LARP1B: variants seen among roughly 807,000 people sequenced by gnomAD.
LARP1B encodes the protein la-related protein 1B.
Under a neutral mutation model 114.2 loss-of-function variants are expected in LARP1B, and 76 were observed. That is an observed-to-expected ratio of 0.67 (90% CI 0.55 to 0.81). The LOEUF (loss-of-function observed/expected upper bound fraction) is 0.81, where lower values mean the gene tolerates loss of function less well. Ranked by LOEUF, LARP1B falls within the 30% of genes least tolerant of loss-of-function variation. LARP1B has a pLI of 0.00. For missense variants in LARP1B, 1,014 were observed against 1,075.8 expected (o/e 0.94, Z 0.80); for synonymous variants, 345 against 348.0 (o/e 0.99, Z 0.10).
chr4:128,154,257 C>T (rs1463905986), intron 11 of LARP1B, among the ~76,000 whole-genome samples: 7 of 152,144 alleles, frequency 4.6e-5, no homozygotes, highest in African/African-American at 7.2e-5. Flanking sequence ...TTTTCAGTTA[C>T]GCTTTCTCTG....
chr4:128,193,342 G>A (rs749967107), intron 15 of LARP1B, among the ~76,000 whole-genome samples: 3 of 152,022 alleles, frequency 2.0e-5, no homozygotes, highest in Admixed American at 6.6e-5. Flanking sequence ...TAGTAGGTTC[G>A]TAATAGATAT....
intron 11 of LARP1B, among the ~76,000 whole-genome samples, chr4:128,128,238 A>T (rs946183239): frequency 6.6e-6 from 1 of 152,248 alleles, no homozygotes; most frequent in African/African-American, 2.4e-5. Context: ...ATATGACACT[A>T]ATAGCACAAG....
intron 8 of LARP1B, among the ~76,000 whole-genome samples, chr4:128,099,290 C>T (rs1231351584): frequency 5.8e-5 from 8 of 137,234 alleles, no homozygotes; most frequent in Admixed American, 3.0e-4. Context: ...TTTTTTCTTT[C>T]TTTTTTTTTT....
chr4:128,067,585 G>A (rs1328540045), intron 1 of LARP1B, among the ~76,000 whole-genome samples: 2 of 152,096 alleles, frequency 1.3e-5, no homozygotes, highest in African/African-American at 4.8e-5. Context: ...ATCCAGATGA[G>A]GCACTCTTCA....
At chr4:128,206,657 C>A (rs540256800) in intron 18 of LARP1B, 120 bp downstream of exon 18, 149 of 1,408,926 alleles carry the variant, frequency 1.1e-4, no homozygotes, top group Non-Finnish European at 1.3e-4. Context: ...GATCTTCATG[C>A]TATTGTTGTG....
intron 5 of LARP1B, among the ~76,000 whole-genome samples, chr4:128,088,821 C>T (rs1027067510): frequency 4.6e-5 from 7 of 151,860 alleles, no homozygotes; most frequent in Non-Finnish European, 8.8e-5. Context: ...GAAAAAGTGG[C>T]TGGACGCAGT....
chr4:128,061,519 C>G (rs963721993), intron 1 of LARP1B, 118 bp downstream of exon 1: 1 of 228,890 alleles, frequency 4.4e-6, no homozygotes, highest in Admixed American at 6.6e-5. Context: ...CGGGGAGGGG[C>G]GTCACGCCGG....
intron 8 of LARP1B, among the ~76,000 whole-genome samples, chr4:128,100,386 C>T (rs1779879771): frequency 6.6e-6 from 1 of 152,146 alleles, no homozygotes; most frequent in Non-Finnish European, 1.5e-5. Context: ...GATTCTCCTG[C>T]CTCAGCCTCC....
intron 8 of LARP1B, among the ~76,000 whole-genome samples, chr4:128,098,773 T>G (rs1380153173): frequency 4.8e-5 from 1 of 20,742 alleles, no homozygotes; most frequent in Non-Finnish European, 9.1e-5. Context: ...ATATATTTTT[T>G]TTTTTTTTTT....
At chr4:128,207,431 C>T (rs1335680692) in intron 19 of LARP1B, 48 bp downstream of exon 19, 1 of 1,295,076 alleles carries the variant, frequency 7.7e-7, no homozygotes. Context: ...CCATATATTT[C>T]AGTCTCTTAT....
In LARP1B at chr4:128,206,392, G is replaced by A. The variant is rs758078056; in HGVS notation, c.2310-36G>A. The stretch of plus-strand genomic sequence containing the variant: ...TGATGTTACTAACTATAGAGATATT[G>A]TATTTTATTATAAACCTTTTATTTT... On this transcript the variant is annotated intron_variant, in intron 17 of 19. Transcript: ENST00000326639. 12 of 1,247,154 alleles carry A rather than the reference G, an allele frequency of 9.6e-6. No homozygotes were observed. In the East Asian group the frequency reaches 2.9e-4, roughly 30 times the overall value. The allele number at this position is 1,247,154 out of a possible 1,614,324, so 77.3% of individuals were successfully genotyped here.
chr4:128,205,966 C>A (rs968655658), intron 17 of LARP1B, among the ~76,000 whole-genome samples: 21 of 152,140 alleles, frequency 1.4e-4, no homozygotes, highest in African/African-American at 4.6e-4. Flanking sequence ...GCAAAGCCAG[C>A]TGTAGATTAC....
At chr4:128,114,538 A>G (rs775258350) in intron 9 of LARP1B, 32 bp from the exon 10 acceptor site, 1 of 1,509,010 alleles carries the variant, frequency 6.6e-7, no homozygotes, top group Non-Finnish European at 9.1e-7. Context: ...AGCCATTATC[A>G]TTTTAACTAT....
intron 15 of LARP1B, among the ~76,000 whole-genome samples, chr4:128,184,533 A>G (rs536731806): frequency 2.0e-5 from 3 of 152,296 alleles, no homozygotes; most frequent in South Asian, 2.1e-4. Context: ...GGGGATATCA[A>G]TCACCTCAAA....
At chr4:128,128,049 C>G (rs1338676155) in intron 11 of LARP1B, among the ~76,000 whole-genome samples, 1 of 152,176 alleles carries the variant, frequency 6.6e-6, no homozygotes, top group Non-Finnish European at 1.5e-5. Flanking sequence ...GTTTCAACAA[C>G]TGGGACTCTG....
intron 15 of LARP1B, among the ~76,000 whole-genome samples, chr4:128,188,071 C>T (rs1362576710): frequency 2.0e-5 from 3 of 150,708 alleles, no homozygotes; most frequent in South Asian, 2.1e-4. Flanking sequence ...TACCCAGTCT[C>T]GGGTATTTTT....
Position 128,210,303 on chromosome 4 carries a change from T to C in LARP1B, c.*250T>C. ...CAAGGATAGTCTTGGTGACCTTTTA[T>C]AGAGATCTTCTAGTAATGTATTTTG... On this transcript the variant is annotated 3_prime_UTR_variant, in exon 20 of 20. Coordinates refer to ENST00000326639, the MANE Select transcript of LARP1B (RefSeq NM_018078.4). 1.6e-6 allele frequency: 2 copies of C among 1,277,096 alleles called. No homozygotes were observed. The highest frequency in any genetic ancestry group is 2.1e-5 in the South Asian group (1 of 46,622). The allele number at this position is 1,277,096 out of a possible 1,614,324, so 79.1% of individuals were successfully genotyped here.
chr4:128,064,519 C>T, intron 1 of LARP1B, among the ~76,000 whole-genome samples: 1 of 152,148 alleles, frequency 6.6e-6, no homozygotes, highest in Non-Finnish European at 1.5e-5. Context: ...ACTCCTATTA[C>T]TAACTAAAGA....
intron 11 of LARP1B, chr4:128,156,069 T>C (rs1244002728): frequency 4.4e-5 from 70 of 1,593,632 alleles, no homozygotes; most frequent in Middle Eastern, 2.1e-4. Flanking sequence ...CCTCCCTAAC[T>C]CCTTTCACCC....
Sources: allele counts gnomAD v4.1 joint callset (sites outside exome capture counted in the v4.1 genomes callset), GRCh38; gene constraint gnomAD v4.1.1; transcripts MANE v1.5; gene names NCBI Gene and HGNC (gene_info 2026-07-23, HGNC 2026-07-21).